Variants in C2 observed in about 807,000 individuals in gnomAD.
The protein encoded by C2 is complement C2.
C2 carries 64 observed loss-of-function variants against 85.2 expected under a neutral mutation model. The ratio of observed to expected loss-of-function variants is 0.75; its 90% CI spans 0.61 to 0.92. C2 has a LOEUF of 0.92. C2 is among the 40% of genes least tolerant of loss of function. C2 has a pLI of 0.00. For missense variants in C2, 820 were observed against 971.6 expected (o/e 0.84, Z 2.07); for synonymous variants, 311 against 370.8 (o/e 0.84, Z 1.85).
rs1012439387 is a variant in C2, at chr6:31,913,388, C to T, written c.73+12249C>T. On this transcript the variant is annotated intron_variant, in intron 1 of 3. Coordinates refer to the C2 transcript ENST00000452202. ...GTGAGGAGTTCGCGACCAGCCTGGC[C>T]AACATGGTGAACCGCTATCTCTACT... is the stretch of plus-strand genomic sequence containing the variant. Among the ~76,000 whole-genome samples the T allele has an allele frequency of 3.3e-5, 5 of 152,278 alleles. No individual in the cohort carries two copies. The South Asian group carries it at 1.0e-3, about 32-fold the overall frequency.
chr6:31,944,156 A>T lies in C2; in HGVS notation c.1832A>T (p.Gln611Leu). The change falls in exon 15 of 18, where the codon CAG (glutamine) becomes CTG (leucine). Residue 611 changes from glutamine to leucine, a missense_variant. Physicochemically the swap from Gln to Leu is moderately radical, Grantham distance 113. Coordinates refer to ENST00000299367, the MANE Select transcript of C2 (RefSeq NM_000063.6). The surrounding 1 kb of genome is among the most constrained non-coding windows in gnomAD (Gnocchi z 5.1). The part of the protein sequence containing the change: ...RDHENELLNK[Q>L]SVPAHFVALN... ...ATAGAGAATGAACTGCTGAACAAAC[A>T]GAGTGTTCCTGCTCATTTTGTCGCC... The T allele has an allele frequency of 6.2e-7, 1 of 1,612,664 alleles. No homozygotes were observed. Among genetic ancestry groups the T allele is most frequent in the Non-Finnish European group, 8.5e-7 (1 of 1,179,634 alleles).
rs1008127965 is a variant in C2, at chr6:31,928,073, G to T, written c.165G>T (p.Leu55=). The T allele has an allele frequency of 6.2e-7, 1 of 1,614,078 alleles. No homozygotes were observed. Among genetic ancestry groups the T allele is most frequent in the Admixed American group, 1.7e-5 (1 of 60,004 alleles). Residue 55 remains leucine (L), a synonymous_variant, in exon 2 of 18, where the codon CTG becomes CTT. Transcript: ENST00000299367. ...TCACCTACTCCTGCCCCCAGGGCCT[G>T]TACCCATCCCCAGCATCACGGCTGT... ...SLLTYSCPQG[L]YPSPASRLCK...
rs1768909836 is a variant in C2 at position 31,920,786 on chromosome 6, C to T, written c.-100+760C>T. On this transcript the variant is annotated intron_variant, in intron 1 of 3. Coordinates refer to the C2 transcript ENST00000413154. This position sits in a 1 kb window ranked among gnomAD's most constrained non-coding sequence, Gnocchi z 5.6. ...TATGGCGCCTACAGGAGGTCAGGGA[C>T]AGGCCTTCTGTTTCTTGGGAGGCCC... Among the ~76,000 whole-genome samples, 1 of 152,176 alleles carries T rather than the reference C, an allele frequency of 6.6e-6. No individual in the cohort carries two copies. The highest frequency in any genetic ancestry group is 2.1e-4 in the South Asian group (1 of 4,832).
At chr6:31,934,946 T>A in intron 6 of C2, 1 of 301,536 alleles carries the variant, frequency 3.3e-6, no homozygotes, top group Non-Finnish European at 4.9e-6. Flanking sequence ...AGGTGGAGGT[T>A]GCAGTGGGCT....
chr6:31,898,734 G>A (rs1041324522), upstream of C2, among the ~76,000 whole-genome samples: 6 of 151,290 alleles, frequency 4.0e-5, no homozygotes, highest in Non-Finnish European at 8.8e-5. Flanking sequence ...CAATTTCCGT[G>A]GGCAGGTTGG....
upstream of C2, among the ~76,000 whole-genome samples, chr6:31,925,606 C>T (rs917133101): frequency 5.9e-5 from 9 of 152,138 alleles, no homozygotes; most frequent in East Asian, 1.5e-3. Context: ...ACTGTGCTTT[C>T]GATATCACCC....
upstream of C2, chr6:31,897,976 C>G: frequency 2.1e-6 from 2 of 944,222 alleles, no homozygotes; most frequent in Non-Finnish European, 2.6e-6. Flanking sequence ...TCTCGGCTCT[C>G]GGCAGCGGCT....
chr6:31,930,380 C>A (rs1769641595), intron 3 of C2, among the ~76,000 whole-genome samples: 1 of 152,176 alleles, frequency 6.6e-6, no homozygotes, highest in Admixed American at 6.5e-5. Context: ...CGGCATCCGG[C>A]CTTGTTTTTG....
chr6:31,944,658 G>A lies in C2; in HGVS notation c.1903-69G>A, dbSNP rs1436613077. 6.4e-7 allele frequency: 1 copy of A among 1,571,272 alleles called. No individual in the cohort carries two copies. Among genetic ancestry groups the A allele is most frequent in the East Asian group, 2.2e-5 (1 of 44,668 alleles). Reference sequence around the variant, plus strand: ...AACCTCCCAAAGTGCTGAGATTACAGGCGTGAGCCACTGCACCCACCCGGG... The same window carrying A: ...AACCTCCCAAAGTGCTGAGATTACAAGCGTGAGCCACTGCACCCACCCGGG... On this transcript the variant is annotated intron_variant, in intron 15 of 17. Coordinates refer to ENST00000299367, the MANE Select transcript of C2 (RefSeq NM_000063.6). This position sits in a 1 kb window ranked among gnomAD's most constrained non-coding sequence, Gnocchi z 5.1.
At position 31,945,167 on chromosome 6, in the gene C2, C is replaced by G. The variant is rs1562620771; in HGVS notation, c.2080-11C>G. 2.5e-6 allele frequency: 4 copies of G among 1,612,822 alleles called. No individual in the cohort carries two copies. The highest frequency in any genetic ancestry group is 3.4e-6 in the Non-Finnish European group (4 of 1,179,968). On this transcript the variant is annotated splice_polypyrimidine_tract_variant and intron_variant, in intron 17 of 17. Coordinates refer to ENST00000299367, the MANE Select transcript of C2 (RefSeq NM_000063.6). The surrounding 1 kb of genome is among the most constrained non-coding windows in gnomAD (Gnocchi z 5.3). ...TGGCAGCCTCCCAGCCAGTTCTCTC[C>G]TTTTCTCCAGGTGGGTCTGGTGAGC...
intron 3 of C2, among the ~76,000 whole-genome samples, chr6:31,930,034 A>AAC (rs1554278697): frequency 6.6e-6 from 1 of 151,634 alleles, no homozygotes; most frequent in African/African-American, 2.4e-5. Flanking sequence ...CAAACAAACA[A>AAC]ACAAAAAACA....
chr6:31,930,893 C>T (rs1769683113), intron 3 of C2, among the ~76,000 whole-genome samples: 2 of 152,190 alleles, frequency 1.3e-5, no homozygotes, highest in East Asian at 3.8e-4. Context: ...CTTAACTATT[C>T]AGCTCAATGA....
rs1771284656 is a variant in C2, at chr6:31,945,207, CCCCTGCCTTGG to C, written c.2111_2121del (p.Pro704LeufsTer3). ...GTCTGGTGAGCTGGGGTCTTTACAA[CCCCTGCCTTGG>C]CTCTGCTGACAAAAACTCCCGCAAA... On this transcript the variant is annotated frameshift_variant, in exon 18 of 18. Transcript: ENST00000299367. LOFTEE classifies it low-confidence loss of function (END_TRUNC). The surrounding 1 kb of genome is among the most constrained non-coding windows in gnomAD (Gnocchi z 5.3). The C allele has an allele frequency of 6.2e-7, 1 of 1,612,844 alleles. No homozygotes were observed. Among genetic ancestry groups the C allele is most frequent in the South Asian group, 1.1e-5 (1 of 91,084 alleles).
At position 31,936,082 on chromosome 6, in the gene C2, T is replaced by C. The variant is rs748955584; in HGVS notation, c.988+21T>C. The C allele has an allele frequency of 4.3e-6, 7 of 1,611,744 alleles. No homozygotes were observed. In the African/African-American group the frequency reaches 5.3e-5, roughly 12 times the overall value. ...TAAAGGTACGGGTGTCATCACGTGA[T>C]GGTGATGAGAGAGGAGAAGATGGAC... On this transcript the variant is annotated intron_variant, in intron 7 of 17. Coordinates refer to ENST00000299367, the MANE Select transcript of C2 (RefSeq NM_000063.6).
chr6:31,932,433 C>T (rs1318164518), intron 3 of C2: 1 of 296,134 alleles, frequency 3.4e-6, no homozygotes, highest in Admixed American at 4.4e-5. Flanking sequence ...CTCCTCACTT[C>T]TCAGACGGGG....
intron 9 of C2, 35 bp downstream of exon 9, chr6:31,939,355 C>G (rs776067869): frequency 6.8e-7 from 1 of 1,481,278 alleles, no homozygotes. Context: ...ATTTGTTCTG[C>G]TCCTGCAGAG....
Position 31,939,217 on chromosome 6 carries a change from T to C in C2, c.1130-14T>C. ...GATATTACCTAGAAGAATTCTTTAT[T>C]CTCTTTGTTCTAGGAAAGTCCAATA... On this transcript the variant is annotated splice_polypyrimidine_tract_variant and intron_variant, in intron 8 of 17. Transcript: ENST00000299367. 1 of 1,580,268 alleles carries C rather than the reference T, an allele frequency of 6.3e-7. No individual in the cohort carries two copies. The highest frequency in any genetic ancestry group is 1.1e-5 in the South Asian group (1 of 90,374).
intron 3 of C2, among the ~76,000 whole-genome samples, chr6:31,932,716 C>G (rs997190079): frequency 2.4e-4 from 37 of 152,150 alleles, no homozygotes; most frequent in Admixed American, 5.9e-4. Context: ...GACGGGGTGG[C>G]GGCCGGGCAG....
chr6:31,923,830 C>G (rs772397350), upstream of C2, among the ~76,000 whole-genome samples: 8 of 120,630 alleles, frequency 6.6e-5, no homozygotes, highest in Non-Finnish European at 8.6e-5. Context: ...GATGGAGTCT[C>G]GCTCTGTCTC....
Sources: gnomAD v4.1 joint callset for allele counts (sites outside exome capture counted in the v4.1 genomes callset) on GRCh38, gnomAD v4.1.1 for gene constraint, Gnocchi (gnomAD v3.1) non-coding constraint, MANE v1.5 for transcripts, NCBI Gene and HGNC (gene_info 2026-07-23, HGNC 2026-07-21) for gene names.